GAS7: variants seen among roughly 807,000 people sequenced by gnomAD.
The protein encoded by GAS7 is growth arrest specific 7, also known as growth arrest-specific protein 7.
In GAS7, 28 loss-of-function variants were observed where a neutral mutation model predicts 71.1. That is an observed-to-expected ratio of 0.39 (90% CI 0.29 to 0.54). The LOEUF (loss-of-function observed/expected upper bound fraction) is 0.54. Among genes scored for constraint, GAS7 ranks in the 20% least tolerant of loss-of-function variants. The pLI, the probability that GAS7 is intolerant of heterozygous loss-of-function variation, is 0.62. For missense variants in GAS7, 436 were observed against 627.8 expected (o/e 0.69, Z 3.27); for synonymous variants, 258 against 245.8 (o/e 1.05, Z -0.46).
At chr17:10,076,020 T>C (rs2073386268) in intron 1 of GAS7, among the ~76,000 whole-genome samples, 1 of 150,012 alleles carries the variant, frequency 6.7e-6, no homozygotes, top group Non-Finnish European at 1.5e-5. Context: ...GAGAATCACT[T>C]GAACCCAGGA....
chr17:9,938,267 G>A (rs2068471090), intron 8 of GAS7, among the ~76,000 whole-genome samples: 1 of 151,956 alleles, frequency 6.6e-6, no homozygotes, highest in South Asian at 2.1e-4. Context: ...AGCACTTTGG[G>A]AGGCCAAGGA....
In GAS7 at chr17:10,050,564, C is replaced by T. The variant is rs548857549; in HGVS notation, c.184-30667G>A. On this transcript the variant is annotated intron_variant, in intron 1 of 13. Coordinates refer to ENST00000432992, the MANE Select transcript of GAS7 (RefSeq NM_201433.2). The stretch of plus-strand genomic sequence containing the variant: ...CACATGGTCAGATGGCACAGCAGAA[C>T]CAAGGCCCCATTCAGGACCACTCCC... Among the ~76,000 whole-genome samples the T allele has an allele frequency of 2.6e-5, 4 of 152,236 alleles. No homozygotes were observed. The South Asian group carries it at 8.3e-4, about 32-fold the overall frequency.
At chr17:10,007,905 C>A (rs1456348318) in intron 2 of GAS7, among the ~76,000 whole-genome samples, 5 of 152,082 alleles carry the variant, frequency 3.3e-5, no homozygotes, top group African/African-American at 1.2e-4. Flanking sequence ...TTCCAGCTCC[C>A]CCCCGCAACC....
At chr17:10,180,136 T>A (rs1469661915) in intron 1 of GAS7, among the ~76,000 whole-genome samples, 2 of 151,552 alleles carry the variant, frequency 1.3e-5, no homozygotes, top group Admixed American at 6.6e-5. Context: ...AGGTCAGGAG[T>A]TCGAGACCAG....
At chr17:9,938,786 C>T (rs2068493596) in intron 8 of GAS7, among the ~76,000 whole-genome samples, 4 of 152,178 alleles carry the variant, frequency 2.6e-5, no homozygotes, top group Admixed American at 2.0e-4. Flanking sequence ...TTCCCCTCCT[C>T]CCCCAGCCCC....
At chr17:9,940,665 G>A (rs927811396) in intron 7 of GAS7, among the ~76,000 whole-genome samples, 1 of 152,182 alleles carries the variant, frequency 6.6e-6, no homozygotes, top group South Asian at 2.1e-4. Context: ...TCTCCCTACT[G>A]TCTCACACCC....
chr17:10,048,927 G>C (rs1002195305), intron 1 of GAS7, among the ~76,000 whole-genome samples: 2 of 152,184 alleles, frequency 1.3e-5, no homozygotes, highest in East Asian at 1.9e-4. Context: ...CATTGCGGGG[G>C]GGAAGATTAG....
intron 1 of GAS7, among the ~76,000 whole-genome samples, chr17:10,073,260 T>G (rs3852805): frequency 1.3e-5 from 2 of 151,918 alleles, no homozygotes; most frequent in African/African-American, 2.4e-5. Flanking sequence ...ACTATGCAGG[T>G]ACCTCAGTGA....
intron 1 of GAS7, among the ~76,000 whole-genome samples, chr17:10,087,741 G>A (rs2073535304): frequency 2.0e-5 from 3 of 152,220 alleles, no homozygotes; most frequent in Admixed American, 2.0e-4. Context: ...AAAGGAAGCA[G>A]TGCTGAATTC....
At position 9,988,321 on chromosome 17, in the gene GAS7, C is replaced by A. The variant is rs913655315; in HGVS notation, c.305-6437G>T. On this transcript the variant is annotated intron_variant, in intron 2 of 13. Coordinates refer to ENST00000432992, the MANE Select transcript of GAS7 (RefSeq NM_201433.2). ...TTTCTCAGCCCTTCTCCCTTCCTAC[C>A]CAGAAGCTGGCTTGCCCCCAGGCTA... Among the ~76,000 whole-genome samples, 16 of 152,292 alleles carry A rather than the reference C, an allele frequency of 1.1e-4. No homozygotes were observed. In the South Asian group the frequency reaches 1.5e-3, roughly 14 times the overall value.
intron 2 of GAS7, among the ~76,000 whole-genome samples, chr17:10,005,239 G>A (rs550117605): frequency 0.24 from 36,357 of 150,198 alleles, 6,759 homozygotes; most frequent in African/African-American, 0.53. Context: ...GTGTATGTGC[G>A]CGCATGCATG....
intron 1 of GAS7, among the ~76,000 whole-genome samples, chr17:10,079,818 G>A (rs2073438156): frequency 6.6e-6 from 1 of 152,124 alleles, no homozygotes; most frequent in South Asian, 2.1e-4. Flanking sequence ...ATTCGACAGA[G>A]TTTCACTCTT....
At chr17:10,038,017 C>T (rs1488917179) in intron 1 of GAS7, among the ~76,000 whole-genome samples, 1 of 151,844 alleles carries the variant, frequency 6.6e-6, no homozygotes, top group African/African-American at 2.4e-5. Flanking sequence ...ATCAAAACTA[C>T]AGTGAGATAT....
intron 1 of GAS7, among the ~76,000 whole-genome samples, chr17:10,186,863 G>A (rs893403598): frequency 3.3e-5 from 5 of 151,794 alleles, no homozygotes; most frequent in African/African-American, 9.7e-5. Flanking sequence ...ACTCCAGCCC[G>A]AGCGACAGAA....
chr17:10,129,300 T>TGA (rs1326723925), intron 1 of GAS7, among the ~76,000 whole-genome samples: 2 of 152,194 alleles, frequency 1.3e-5, no homozygotes, highest in Non-Finnish European at 2.9e-5. Flanking sequence ...GATGGGAGGC[T>TGA]GAGGTAGGTG....
intron 1 of GAS7, among the ~76,000 whole-genome samples, chr17:10,184,883 A>AGG (rs1217168766): frequency 6.6e-6 from 1 of 151,432 alleles, no homozygotes; most frequent in Non-Finnish European, 1.5e-5. Context: ...CTCCAGGAAA[A>AGG]GGGGGGCCAT....
Position 9,926,720 on chromosome 17 carries a change from T to C in GAS7, c.935A>G (p.Lys312Arg). Residue 312 changes from lysine to arginine, a missense_variant, in exon 10 of 14, where the codon AAG becomes AGG. Physicochemically the swap from Lys to Arg is conservative, Grantham distance 26. Transcript: ENST00000432992. This position sits in a 1 kb window ranked among gnomAD's most constrained non-coding sequence, Gnocchi z 5.0. ...KPLMNFRENF[K>R]KDMKKCDHHI... is the part of the protein sequence containing the mutation. The stretch of plus-strand genomic sequence containing the variant: ...GTGGTCGCACTTCTTCATGTCTTTC[T>C]TGAAGTTCTCACGGAAGTTCATCAG... 6.2e-7 allele frequency: 1 copy of C among 1,613,972 alleles called. No individual in the cohort carries two copies. The highest frequency in any genetic ancestry group is 8.5e-7 in the Non-Finnish European group (1 of 1,179,864).
intron 1 of GAS7, among the ~76,000 whole-genome samples, chr17:10,076,766 T>C (rs909040260): frequency 2.8e-4 from 42 of 152,174 alleles, no homozygotes; most frequent in Non-Finnish European, 2.8e-4. Flanking sequence ...AACTGTCTCT[T>C]CCTGCATGCA....
intron 1 of GAS7, among the ~76,000 whole-genome samples, chr17:10,083,394 G>A (rs1379419058): frequency 6.6e-6 from 1 of 152,180 alleles, no homozygotes; most frequent in Non-Finnish European, 1.5e-5. Flanking sequence ...GGGTGTGGTG[G>A]TGCACGCCTG....
Sources: gnomAD v4.1 joint callset for allele counts (sites outside exome capture counted in the v4.1 genomes callset) on GRCh38, gnomAD v4.1.1 for gene constraint, Gnocchi (gnomAD v3.1) non-coding constraint, MANE v1.5 for transcripts, NCBI Gene and HGNC (gene_info 2026-07-23, HGNC 2026-07-21) for gene names.